The following SLFN12L variants were observed in gnomAD, a reference collection of about 807,000 sequenced individuals.
The protein encoded by SLFN12L is schlafen family member 12 like.
Under a neutral mutation model 34.8 loss-of-function variants are expected in SLFN12L, and 34 were observed. The ratio of observed to expected loss-of-function variants is 0.98; its 90% CI spans 0.74 to 1.30. The LOEUF (loss-of-function observed/expected upper bound fraction) is 1.30, where lower values mean the gene tolerates loss of function less well. SLFN12L is among the 50% of genes most tolerant of loss of function. SLFN12L has a pLI of 0.00. For synonymous variants in SLFN12L, 259 were observed against 247.5 expected, an observed-to-expected ratio of 1.05 and a Z score of -0.44; for missense variants, 703 against 696.2, an observed-to-expected ratio of 1.01 and a Z score of -0.11.
chr17:35,486,029 T>A (rs1914567809), intron 2 of SLFN12L, among the ~76,000 whole-genome samples: 1 of 152,226 alleles, frequency 6.6e-6, no homozygotes, highest in African/African-American at 2.4e-5. Flanking sequence ...TTTTTTCTAA[T>A]TCTGTGAAAA....
At chr17:35,516,553 T>A (rs1253126576) in intron 2 of SLFN12L, among the ~76,000 whole-genome samples, 1 of 152,214 alleles carries the variant, frequency 6.6e-6, no homozygotes, top group Non-Finnish European at 1.5e-5. Flanking sequence ...TTCAGCAGTA[T>A]CCCTGGCCTC....
Position 35,478,111 on chromosome 17 carries a change from T to A in SLFN12L, c.1240A>T (p.Asn414Tyr). The change falls in exon 4 of 5, where the codon AAC becomes TAC. Residue 414 changes from asparagine to tyrosine, a missense_variant. Transcript: ENST00000628453. Reference sequence around the variant, plus strand: ...TATCTCAGTGGCTGAATTTTGAAGTTAATATATTCACGAAGAGGATAACTC... The same window carrying A: ...TATCTCAGTGGCTGAATTTTGAAGTAAATATATTCACGAAGAGGATAACTC... ...SQSYPLREYI[N>Y]FKIQPLRYHL... 6.5e-7 allele frequency: 1 copy of A among 1,545,212 alleles called. No individual in the cohort carries two copies. Among genetic ancestry groups the A allele is most frequent in the South Asian group, 1.2e-5 (1 of 83,614 alleles).
chr17:35,479,147 A>G lies in SLFN12L; in HGVS notation c.1135T>C (p.Trp379Arg), dbSNP rs763763325. Residue 379 changes from tryptophan to arginine, a missense_variant, in exon 3 of 5, where the codon TGG becomes CGG. Physicochemically the swap from Trp to Arg is moderately radical, Grantham distance 101. Transcript: ENST00000628453. ...NRVKQLTEKEWIQFMVDSEPV... is the reference protein window; with the variant it reads ...NRVKQLTEKERIQFMVDSEPV... ...TCTGAATCCACCATGAACTGGATCCATTCCTTCTCGGTCAACTGCTTAACT... is the reference window on the plus strand; with the variant it reads ...TCTGAATCCACCATGAACTGGATCCGTTCCTTCTCGGTCAACTGCTTAACT... The G allele has an allele frequency of 1.3e-6, 2 of 1,568,724 alleles. No homozygotes were observed. Among genetic ancestry groups the G allele is most frequent in the African/African-American group, 2.7e-5 (2 of 73,850 alleles).
At position 35,479,187 on chromosome 17, in the gene SLFN12L, G is replaced by A. The variant is rs768851390; in HGVS notation, c.1095C>T (p.His365=). Residue 365 remains histidine, a synonymous_variant, in exon 3 of 5, where the codon CAC becomes CAT. Transcript: ENST00000628453. ...AVFAKKPDSW[H]VKDNRVKQLT... ...ACTGCTTAACTCTGTTATCTTTCACGTGCCAGGAATCAGGCTTTTTAGCAA... is the reference window on the plus strand; with the variant it reads ...ACTGCTTAACTCTGTTATCTTTCACATGCCAGGAATCAGGCTTTTTAGCAA... 2.5e-5 allele frequency: 39 copies of A among 1,578,862 alleles called. No homozygotes were observed. The highest frequency in any genetic ancestry group is 4.1e-5 in the African/African-American group (3 of 73,996).
At chr17:35,491,315 T>C in intron 2 of SLFN12L, 1 of 552,240 alleles carries the variant, frequency 1.8e-6, no homozygotes, top group Non-Finnish European at 3.2e-6. Flanking sequence ...TCATGCAATG[T>C]TGTCCCTTCC....
chr17:35,475,635 A>T lies in SLFN12L; in HGVS notation c.1277-150T>A, dbSNP rs1042563943. 8 of 1,271,614 alleles carry T rather than the reference A, an allele frequency of 6.3e-6. No individual in the cohort carries two copies. The African/African-American group carries it at 1.2e-4, about 19-fold the overall frequency. 78.8% of individuals were successfully genotyped at this position (1,271,614 alleles called of 1,614,324 possible). A position where few individuals can be genotyped will look rare whatever the true frequency, so the allele number is the denominator to read the frequency against. ...GTATCAGGGCCAGGCATGGTGGCTC[A>T]CACCTGTAATAACAACACTTTGGGA... On this transcript the variant is annotated intron_variant, in intron 4 of 4. Coordinates refer to ENST00000628453, the MANE Select transcript of SLFN12L (RefSeq NM_001363830.2).
intron 4 of SLFN12L, among the ~76,000 whole-genome samples, chr17:35,476,371 C>A (rs1233754383): frequency 6.6e-6 from 1 of 151,358 alleles, no homozygotes; most frequent in Non-Finnish European, 1.5e-5. Flanking sequence ...GAGGCCGAGG[C>A]AGGTGGATTG....
In SLFN12L at chr17:35,530,496, G is replaced by GAA. The variant is rs1323399857; in HGVS notation, c.-606+7075_-606+7076dup. Among the ~76,000 whole-genome samples, 77 of 38,430 alleles carry GAA rather than the reference G, an allele frequency of 2.0e-3. 1 individual carries two copies. Among genetic ancestry groups the GAA allele is most frequent in the African/African-American group, 5.4e-3 (76 of 14,128 alleles). The allele number at this position is 38,430 out of a possible 152,430, so 25.2% of individuals were successfully genotyped here. On this transcript the variant is annotated intron_variant, in intron 1 of 4. Coordinates refer to ENST00000628453, the MANE Select transcript of SLFN12L (RefSeq NM_001363830.2). ...AGAAAGAAAGAAAGAAAGAAAGAAA[G>GAA]AAAGAAAGAAAGAAAGAAAAGAAAA...
In SLFN12L at chr17:35,471,445, T is replaced by A. The variant is rs558607357; in HGVS notation, c.*3478A>T. The stretch of plus-strand genomic sequence containing the variant: ...AGCCACCGCGCCACGCCTGCATGTA[T>A]CTTTATAGTAGAATGATTTACATTC... On this transcript the variant is annotated 3_prime_UTR_variant, in exon 5 of 5. Transcript: ENST00000628453. Among the ~76,000 whole-genome samples, 4 of 152,128 alleles carry A rather than the reference T, an allele frequency of 2.6e-5. No individual in the cohort carries two copies. The highest frequency in any genetic ancestry group is 5.9e-5 in the Non-Finnish European group (4 of 68,024).
chr17:35,501,778 C>T (rs555412086), intron 2 of SLFN12L, among the ~76,000 whole-genome samples: 3 of 152,224 alleles, frequency 2.0e-5, no homozygotes, highest in African/African-American at 7.2e-5. Flanking sequence ...CAGAAGGAAG[C>T]CTGGACAGGT....
chr17:35,484,082 T>C (rs1914477705), intron 2 of SLFN12L, among the ~76,000 whole-genome samples: 1 of 152,168 alleles, frequency 6.6e-6, no homozygotes, highest in African/African-American at 2.4e-5. Flanking sequence ...ACACAACTCC[T>C]TGTGCACCAG....
chr17:35,504,084 T>C (rs1352511790), intron 2 of SLFN12L, among the ~76,000 whole-genome samples: 1 of 152,268 alleles, frequency 6.6e-6, no homozygotes, highest in African/African-American at 2.4e-5. Context: ...AAGTCAATTT[T>C]GCCTCAAACT....
rs1913740294 is a variant in SLFN12L at position 35,467,864 on chromosome 17, A to G, written c.*7059T>C. Among the ~76,000 whole-genome samples, 1 of 152,110 alleles carries G rather than the reference A, an allele frequency of 6.6e-6. No individual in the cohort carries two copies. Among genetic ancestry groups the G allele is most frequent in the South Asian group, 2.1e-4 (1 of 4,830 alleles). The stretch of plus-strand genomic sequence containing the variant: ...AAAACTCTGTCAAATGCAGCTGCAC[A>G]CCATTCTGTTTTCTGTTTATCTTTT... On this transcript the variant is annotated 3_prime_UTR_variant, in exon 5 of 5. Transcript: ENST00000628453.
Position 35,475,252 on chromosome 17 carries a change from C to T in SLFN12L, c.1510G>A (p.Val504Ile), listed in dbSNP as rs778475120. Reference protein sequence around the residue: ...KPPVLYTFHMVQDEEFKDYST... With the variant: ...KPPVLYTFHMIQDEEFKDYST... ...TAGTCTTTAAACTCCTCATCCTGTA[C>T]CATGTGGAAGGTGTATAGGACTGGA... Residue 504 changes from valine to isoleucine, a missense_variant, in exon 5 of 5, where the codon GTA (valine) becomes ATA (isoleucine). By Grantham distance (29) the Val-to-Ile change is conservative. Transcript: ENST00000628453. 1.9e-6 allele frequency: 3 copies of T among 1,614,096 alleles called. No individual in the cohort carries two copies. Among genetic ancestry groups the T allele is most frequent in the Non-Finnish European group, 2.5e-6 (3 of 1,180,028 alleles).
chr17:35,489,740 A>G (rs770432877), intron 2 of SLFN12L, among the ~76,000 whole-genome samples: 16 of 152,224 alleles, frequency 1.1e-4, no homozygotes, highest in Non-Finnish European at 1.5e-5. Flanking sequence ...CCGAAAAAGC[A>G]TTTGACTCTT....
chr17:35,490,000 A>G, intron 2 of SLFN12L: 1 of 1,572,550 alleles, frequency 6.4e-7, no homozygotes, highest in Non-Finnish European at 8.7e-7. Flanking sequence ...AGAAAGAAAT[A>G]TCCGACATCC....
intron 1 of SLFN12L, among the ~76,000 whole-genome samples, chr17:35,524,827 G>T (rs564898676): frequency 6.6e-6 from 1 of 152,226 alleles, no homozygotes; most frequent in Admixed American, 6.5e-5. Context: ...CTCCTTGCCA[G>T]CAAGGGAACA....
intron 2 of SLFN12L, 25 bp from the exon 3 acceptor site, chr17:35,480,220 G>C (rs770822462): frequency 6.6e-7 from 1 of 1,515,928 alleles, no homozygotes; most frequent in East Asian, 2.4e-5. Flanking sequence ...CGTTAGAATA[G>C]GAGTTAAGCC....
At chr17:35,505,345 C>T (rs1204578647) in intron 2 of SLFN12L, among the ~76,000 whole-genome samples, 4 of 152,158 alleles carry the variant, frequency 2.6e-5, no homozygotes, top group Admixed American at 1.3e-4. Flanking sequence ...CTGCCTACCT[C>T]GTCAAAGATC....
Sources: gnomAD v4.1 joint callset for allele counts (sites outside exome capture counted in the v4.1 genomes callset) on GRCh38, gnomAD v4.1.1 for gene constraint, MANE v1.5 for transcripts, NCBI Gene and HGNC (gene_info 2026-07-23, HGNC 2026-07-21) for gene names.